The following SRCAP variants were observed in gnomAD, a reference collection of about 807,000 sequenced individuals.
The protein encoded by SRCAP is Snf2 related CREBBP activator protein.
Under a neutral mutation model 263.1 loss-of-function variants are expected in SRCAP, and 46 were observed. The ratio of observed to expected loss-of-function variants is 0.17; its 90% CI spans 0.14 to 0.22. The LOEUF (loss-of-function observed/expected upper bound fraction) is 0.22, where lower values mean the gene tolerates loss of function less well. Ranked by LOEUF, SRCAP falls within the 10% of genes least tolerant of loss-of-function variation. SRCAP has a pLI of 1.00. For missense variants in SRCAP, 3,695 were observed against 4,181.9 expected, an observed-to-expected ratio of 0.88 and a Z score of 3.21; for synonymous variants, 1,813 against 1,662.1, an observed-to-expected ratio of 1.09 and a Z score of -2.21.
rs941292927 is a variant in SRCAP at position 30,741,298 on chromosome 16, T to C, written c.*1565T>C. The C allele has an allele frequency of 6.5e-6, 1 of 154,118 alleles. No individual in the cohort carries two copies. Among genetic ancestry groups the C allele is most frequent in the Admixed American group, 6.5e-5 (1 of 15,358 alleles). The allele number at this position is 154,118 out of a possible 1,614,324, so 9.5% of individuals were successfully genotyped here. On this transcript the variant is annotated 3_prime_UTR_variant, in exon 34 of 34. Coordinates refer to ENST00000262518, the MANE Select transcript of SRCAP (RefSeq NM_006662.3). ...CTGCTTTGCTTGAAACGGGTTGCAG[T>C]ACCTAGGGTCCTGCTCTCTGACATC...
intron 27 of SRCAP, among the ~76,000 whole-genome samples, chr16:30,730,271 G>A (rs945277765): frequency 2.2e-4 from 33 of 152,132 alleles, no homozygotes; most frequent in Non-Finnish European, 4.1e-4. Flanking sequence ...TTTTGGTCTT[G>A]GAAAAGACAA....
In SRCAP at chr16:30,707,170, T is replaced by C; in HGVS notation, c.307-13T>C. 2 of 1,613,798 alleles carry C rather than the reference T, an allele frequency of 1.2e-6. No homozygotes were observed. The highest frequency in any genetic ancestry group is 1.7e-6 in the Non-Finnish European group (2 of 1,179,814). On this transcript the variant is annotated splice_polypyrimidine_tract_variant and intron_variant, in intron 4 of 33. Transcript: ENST00000262518. ...GTTTAGAACTGTTGATTGATCTGGC[T>C]CTCCCTGATTAGGAGGCCGAGATCG...
intron 31 of SRCAP, 135 bp from the exon 32 acceptor site, chr16:30,736,065 G>A: frequency 1.1e-6 from 1 of 935,660 alleles, no homozygotes; most frequent in Non-Finnish European, 1.6e-6. Context: ...AACTCTGGAG[G>A]CCTAGGAGGT....
In SRCAP at chr16:30,738,911, A is replaced by G. The variant is rs1423505888; in HGVS notation, c.8871A>G (p.Ala2957=). ...DLPIPGTISS[A]GDGNSESRTQ... ...CCATCCCTGGGACCATTTCCTCTGC[A>G]GGGGATGGCAACTCCGAAAGTCGGA... Residue 2957 remains alanine, a synonymous_variant, in exon 34 of 34, where the codon GCA becomes GCG. Transcript: ENST00000262518. 1.2e-6 allele frequency: 2 copies of G among 1,614,172 alleles called. No homozygotes were observed. Among genetic ancestry groups the G allele is most frequent in the South Asian group, 1.1e-5 (1 of 91,090 alleles).
At chr16:30,700,946 A>G (rs1373067083) in intron 3 of SRCAP, 68 bp downstream of exon 3, 5 of 1,527,064 alleles carry the variant, frequency 3.3e-6, no homozygotes, top group Admixed American at 1.7e-5. Flanking sequence ...GGCAGAAGAA[A>G]TGTGGCAGGG....
At chr16:30,735,850 A>G (rs776444911) in intron 31 of SRCAP, among the ~76,000 whole-genome samples, 35 of 151,306 alleles carry the variant, frequency 2.3e-4, no homozygotes, top group Non-Finnish European at 4.0e-4. Flanking sequence ...AAGTGCTGCA[A>G]TTATAGGATT....
intron 18 of SRCAP, 55 bp downstream of exon 18, chr16:30,716,534 A>ATG: frequency 6.6e-7 from 1 of 1,506,536 alleles, no homozygotes; most frequent in Non-Finnish European, 9.0e-7. Flanking sequence ...TACTCCAACC[A>ATG]TGTACCTCTT....
intron 4 of SRCAP, among the ~76,000 whole-genome samples, chr16:30,706,776 CA>C (rs1174859168): frequency 1.3e-5 from 2 of 152,110 alleles, no homozygotes; most frequent in Non-Finnish European, 2.9e-5. Context: ...TATCTAGAAT[CA>C]AGAGGGAAGT....
chr16:30,739,504 G>A lies in SRCAP; in HGVS notation c.9464G>A (p.Gly3155Asp), dbSNP rs751049493. Residue 3155 changes from glycine to aspartate, a missense_variant, in exon 34 of 34, where the codon GGC becomes GAC. Physicochemically the swap from Gly to Asp is moderately conservative, Grantham distance 94 (BLOSUM62 -1). This residue lies in a region of SRCAP where 1,207 missense variants were observed against 1,142.9 expected (regional missense o/e 1.06). Transcript: ENST00000262518. ...GGGAGTCCTGGGCTGGCAAAGCGGG[G>A]CCGCCTACAGCCCCCAAGTCCCCTG... ...VGGSPGLAKR[G>D]RLQPPSPLGP... 2 of 1,613,186 alleles carry A rather than the reference G, an allele frequency of 1.2e-6. No individual in the cohort carries two copies. Among genetic ancestry groups the A allele is most frequent in the Non-Finnish European group, 1.7e-6 (2 of 1,179,694 alleles).
Position 30,709,493 on chromosome 16 carries a change from C to T in SRCAP, c.634-20C>T. On this transcript the variant is annotated intron_variant, in intron 6 of 33. Transcript: ENST00000262518. ...TAAAATGGTTATCTTGGTGAGCAGT[C>T]CCTTTCACATCTGTGGCAGGTGGTG... 6.2e-7 allele frequency: 1 copy of T among 1,613,074 alleles called. No homozygotes were observed. The highest frequency in any genetic ancestry group is 8.5e-7 in the Non-Finnish European group (1 of 1,179,030).
At position 30,724,875 on chromosome 16, in the gene SRCAP, T is replaced by A. The variant is rs763377202; in HGVS notation, c.5451T>A (p.Ala1817=). Reference sequence around the variant, plus strand: ...CCCCAGCCTCCACACAGTCCCCAGCTTCCCAGGCATCTTCCCTTGTGGTTT... The same window carrying A: ...CCCCAGCCTCCACACAGTCCCCAGCATCCCAGGCATCTTCCCTTGTGGTTT... ...ALAPASTQSP[A]SQASSLVVSA... is the part of the protein sequence containing the mutation. Residue 1817 remains alanine (A), a synonymous_variant, in exon 25 of 34, where the codon GCT becomes GCA. Transcript: ENST00000262518. The A allele has an allele frequency of 1.2e-6, 2 of 1,614,224 alleles. No individual in the cohort carries two copies. Among genetic ancestry groups the A allele is most frequent in the East Asian group, 4.5e-5 (2 of 44,876 alleles).
chr16:30,737,828 AGAG>A lies in SRCAP; in HGVS notation c.7789_7791del (p.Glu2597del). 1 of 1,614,134 alleles carries A rather than the reference AGAG, an allele frequency of 6.2e-7. No individual in the cohort carries two copies. Among genetic ancestry groups the A allele is most frequent in the Non-Finnish European group, 8.5e-7 (1 of 1,180,028 alleles). On this transcript the variant is annotated inframe_deletion, in exon 34 of 34. Transcript: ENST00000262518. ...TTGCTGTGGAGATCCTGCCTGTGTC[AGAG>A]AAGAACCTTTCTCTCACCCCTTCTG...
chr16:30,704,452 T>C, intron 4 of SRCAP, 137 bp downstream of exon 4: 1 of 1,026,404 alleles, frequency 9.7e-7, no homozygotes, highest in Non-Finnish European at 1.4e-6. Context: ...TATATGATCG[T>C]GAGCAAACTG....
Position 30,716,088 on chromosome 16 carries a change from G to A in SRCAP, c.2516G>A (p.Arg839His), listed in dbSNP as rs1335107162. The A allele has an allele frequency of 1.9e-6, 3 of 1,613,942 alleles. No homozygotes were observed. Among genetic ancestry groups the A allele is most frequent in the Non-Finnish European group, 2.5e-6 (3 of 1,180,028 alleles). Reference protein sequence around the residue: ...LHKVLRPFLLRRVKVDVEKQM... With the variant: ...LHKVLRPFLLHRVKVDVEKQM... ...TAGGTTTTGAGGCCTTTTTTACTGC[G>A]CCGAGTTAAGGTGGATGTTGAGAAG... Residue 839 changes from arginine (R) to histidine (H), a missense_variant, in exon 17 of 34, where the codon CGC (arginine) becomes CAC (histidine). By Grantham distance (29) the Arg-to-His change is conservative. Coordinates refer to ENST00000262518, the MANE Select transcript of SRCAP (RefSeq NM_006662.3).
At position 30,724,756 on chromosome 16, in the gene SRCAP, T is replaced by C; in HGVS notation, c.5332T>C (p.Ser1778Pro). 1 of 1,613,802 alleles carries C rather than the reference T, an allele frequency of 6.2e-7. No individual in the cohort carries two copies. Among genetic ancestry groups the C allele is most frequent in the East Asian group, 2.2e-5 (1 of 44,872 alleles). ...LTLAPASSSA[S>P]LLAPASVQTL... The stretch of plus-strand genomic sequence containing the variant: ...TTTGGCTCCAGCATCGTCATCTGCT[T>C]CACTCCTGGCCCCAGCTTCAGTGCA... Residue 1778 changes from serine (S) to proline (P), a missense_variant, in exon 25 of 34, where the codon TCA becomes CCA. Coordinates refer to ENST00000262518, the MANE Select transcript of SRCAP (RefSeq NM_006662.3).
At chr16:30,708,011 G>T (rs949503780) in intron 6 of SRCAP, among the ~76,000 whole-genome samples, 1 of 152,174 alleles carries the variant, frequency 6.6e-6, no homozygotes, top group African/African-American at 2.4e-5. Context: ...AGTTCCCACT[G>T]CCTGTATAGT....
intron 27 of SRCAP, among the ~76,000 whole-genome samples, chr16:30,730,464 C>T (rs1158716445): frequency 6.6e-6 from 1 of 152,006 alleles, no homozygotes; most frequent in Non-Finnish European, 1.5e-5. Context: ...TAGAGTCTCA[C>T]TCTGTCGCCC....
chr16:30,712,439 G>C lies in SRCAP; in HGVS notation c.1993G>C (p.Gly665Arg), dbSNP rs771063414. 4.4e-5 allele frequency: 69 copies of C among 1,567,928 alleles called. No individual in the cohort carries two copies. The highest frequency in any genetic ancestry group is 6.0e-5 in the Non-Finnish European group (69 of 1,159,060). ...GCTTGCCCACTTGGCTTGTGAGAAA[G>C]GTAAGTAGGCAAGGCCCCTTCTTTT... is the stretch of plus-strand genomic sequence containing the variant. ...SLLAHLACEKGNWGPHLIIVP... is the reference protein window; with the variant it reads ...SLLAHLACEKRNWGPHLIIVP... Residue 665 changes from glycine to arginine, a missense_variant and splice_region_variant, in exon 13 of 34, where the codon GGT becomes CGT. By Grantham distance (125) the Gly-to-Arg change is moderately radical (BLOSUM62 -2). This residue lies in a region of SRCAP where 121 missense variants were observed against 330.7 expected (regional missense o/e 0.37). Coordinates refer to ENST00000262518, the MANE Select transcript of SRCAP (RefSeq NM_006662.3).
In SRCAP at chr16:30,737,421, C is replaced by T. The variant is rs796702419; in HGVS notation, c.7381C>T (p.Pro2461Ser). ...PAAIPALVPV[P>S]VSAPVPISAP... is the part of the protein sequence containing the mutation. Reference sequence around the variant, plus strand: ...TGCAATTCCTGCCCTTGTTCCTGTCCCAGTTTCTGCCCCAGTACCCATTTC... The same window carrying T: ...TGCAATTCCTGCCCTTGTTCCTGTCTCAGTTTCTGCCCCAGTACCCATTTC... Residue 2461 changes from proline (P) to serine (S), a missense_variant, in exon 34 of 34, where the codon CCA becomes TCA. By Grantham distance (74) the Pro-to-Ser change is moderately conservative. This residue lies in a region of SRCAP where 1,207 missense variants were observed against 1,142.9 expected (regional missense o/e 1.06). Coordinates refer to ENST00000262518, the MANE Select transcript of SRCAP (RefSeq NM_006662.3). 1 of 1,602,822 alleles carries T rather than the reference C, an allele frequency of 6.2e-7. No homozygotes were observed. The highest frequency in any genetic ancestry group is 8.5e-7 in the Non-Finnish European group (1 of 1,174,680).
Sources: gnomAD v4.1 joint callset for allele counts (sites outside exome capture counted in the v4.1 genomes callset) on GRCh38, gnomAD v4.1.1 for gene constraint, gnomAD v4.1.1 regional missense constraint, MANE v1.5 for transcripts, NCBI Gene and HGNC (gene_info 2026-07-23, HGNC 2026-07-21) for gene names.